The following ANKRD12 variants were observed in gnomAD, a reference collection of about 807,000 sequenced individuals.
The protein encoded by ANKRD12 is ankyrin repeat domain 12.
Under a neutral mutation model 183.4 loss-of-function variants are expected in ANKRD12, and 85 were observed. The ratio of observed to expected loss-of-function variants is 0.46; its 90% CI spans 0.39 to 0.56. ANKRD12 has a LOEUF of 0.56. ANKRD12 is among the 20% of genes least tolerant of loss of function. The probability of loss-of-function intolerance (pLI) is 0.00; values close to 1 mark genes in which losing one functional copy is unlikely to be tolerated. For missense variants in ANKRD12, 2,405 were observed against 2,357.1 expected (o/e 1.02, Z -0.42); for synonymous variants, 914 against 800.2 (o/e 1.14, Z -2.40).
In ANKRD12 at chr18:9,280,951, T is replaced by C; in HGVS notation, c.6014T>C (p.Leu2005Ser). The change falls in exon 13 of 13, where the codon TTA (leucine) becomes TCA (serine). Residue 2005 changes from leucine (L) to serine (S), a missense_variant. By Grantham distance (145) the Leu-to-Ser change is moderately radical (BLOSUM62 -2). Transcript: ENST00000262126. ...DKFDKLKTCL[L>S]MRQQHEAAAL... ...TCTTCTTTTAAATAGACCTGTCTTT[T>C]AATGAGGCAACAACATGAAGCTGCG... is the stretch of plus-strand genomic sequence containing the variant. The C allele has an allele frequency of 6.2e-7, 1 of 1,611,408 alleles. No individual in the cohort carries two copies. Among genetic ancestry groups the C allele is most frequent in the Non-Finnish European group, 8.5e-7 (1 of 1,179,416 alleles).
In ANKRD12 at chr18:9,255,696, A is replaced by C; in HGVS notation, c.2429A>C (p.Lys810Thr). ...HLVEKEIDIE[K>T]QEKHIKESKE... ...GTGGAAAAGGAAATAGACATTGAAAAACAAGAAAAGCATATAAAGGAAAGT... is the reference window on the plus strand; with the variant it reads ...GTGGAAAAGGAAATAGACATTGAAACACAAGAAAAGCATATAAAGGAAAGT... Residue 810 changes from lysine (K) to threonine (T), a missense_variant, in exon 9 of 13, where the codon AAA (lysine) becomes ACA (threonine). Coordinates refer to ENST00000262126, the MANE Select transcript of ANKRD12 (RefSeq NM_015208.5). The C allele has an allele frequency of 5.6e-6, 9 of 1,597,812 alleles. No individual in the cohort carries two copies. Among genetic ancestry groups the C allele is most frequent in the Non-Finnish European group, 7.7e-6 (9 of 1,175,858 alleles).
intron 10 of ANKRD12, 147 bp downstream of exon 10, chr18:9,264,035 G>T: frequency 1.3e-6 from 1 of 757,006 alleles, no homozygotes; most frequent in Non-Finnish European, 1.9e-6. Context: ...TTTATTAGAT[G>T]GAAAAATTTT....
rs1387652533 is a variant in ANKRD12, at chr18:9,242,157, A to G, written c.944-12054A>G. ...AAGTCTTTAAACTTTAGGGTACACA[A>G]GACTATTAAGTATCTTTCTTTGAAG... On this transcript the variant is annotated intron_variant, in intron 8 of 12. Transcript: ENST00000262126. 4.6e-5 allele frequency among the ~76,000 whole-genome samples: 7 copies of G among 152,318 alleles called. No individual in the cohort carries two copies. In the South Asian group the frequency reaches 1.0e-3, roughly 23 times the overall value.
Position 9,258,145 on chromosome 18 carries a change from T to C in ANKRD12, c.4878T>C (p.Thr1626=). 2 of 1,613,794 alleles carry C rather than the reference T, an allele frequency of 1.2e-6. No individual in the cohort carries two copies. The highest frequency in any genetic ancestry group is 1.7e-6 in the Non-Finnish European group (2 of 1,179,990). ...GHEVENSTTD[T]QVISHEKENK... ...AAGTTGAGAATAGCACAACTGATAC[T>C]CAGGTCATTTCACATGAAAAAGAAA... Residue 1626 remains threonine (T), a synonymous_variant, in exon 9 of 13, where the codon ACT becomes ACC. Coordinates refer to ENST00000262126, the MANE Select transcript of ANKRD12 (RefSeq NM_015208.5).
At chr18:9,194,173 C>T (rs2034629248) in intron 2 of ANKRD12, among the ~76,000 whole-genome samples, 1 of 151,938 alleles carries the variant, frequency 6.6e-6, no homozygotes, top group Admixed American at 6.6e-5. Flanking sequence ...AATTATGTGG[C>T]AGGACTATTA....
In ANKRD12 at chr18:9,283,093, C is replaced by G. The variant is rs1367677654; in HGVS notation, c.*1967C>G. 6.6e-6 allele frequency: 1 copy of G among 152,424 alleles called. No individual in the cohort carries two copies. The highest frequency in any genetic ancestry group is 2.4e-5 in the African/African-American group (1 of 41,430). The allele number at this position is 152,424 out of a possible 1,614,324, so 9.4% of individuals were successfully genotyped here. Reference sequence around the variant, plus strand: ...AAACTTACTGCAAAGTTTGTTTATACTTTTGCCTAAAAAGGAAATTGGATG... The same window carrying G: ...AAACTTACTGCAAAGTTTGTTTATAGTTTTGCCTAAAAAGGAAATTGGATG... On this transcript the variant is annotated 3_prime_UTR_variant, in exon 13 of 13. Coordinates refer to ENST00000262126, the MANE Select transcript of ANKRD12 (RefSeq NM_015208.5).
chr18:9,246,273 T>A (rs1385418366), intron 8 of ANKRD12, among the ~76,000 whole-genome samples: 1 of 152,188 alleles, frequency 6.6e-6, no homozygotes, highest in Non-Finnish European at 1.5e-5. Flanking sequence ...CTTTCCCTTC[T>A]AAGGAGTGCT....
Position 9,256,913 on chromosome 18 carries a change from T to G in ANKRD12, c.3646T>G (p.Cys1216Gly), listed in dbSNP as rs745895466. The change falls in exon 9 of 13, where the codon TGC becomes GGC. Residue 1216 changes from cysteine to glycine, a missense_variant. Physicochemically the swap from Cys to Gly is radical, Grantham distance 159 (BLOSUM62 -3). Coordinates refer to ENST00000262126, the MANE Select transcript of ANKRD12 (RefSeq NM_015208.5). ...MISVASSEDSCHTTVTTPRPP... is the reference protein window; with the variant it reads ...MISVASSEDSGHTTVTTPRPP... ...TTCTGTTGCTAGTTCAGAAGATTCC[T>G]GCCATACTACAGTGACAACCCCAAG... 5 of 1,613,932 alleles carry G rather than the reference T, an allele frequency of 3.1e-6. No individual in the cohort carries two copies. The highest frequency in any genetic ancestry group is 3.4e-6 in the Non-Finnish European group (4 of 1,179,974).
chr18:9,175,523 C>CTTTTTTTTTT lies in ANKRD12; in HGVS notation c.-51-6840_-51-6831dup, dbSNP rs33944736. Reference sequence around the variant, plus strand: ...CTTGATCAGTTTTTCAAAGGCTCCTCTTTTTTTTTTTTTTTTTTTTTTTTT... The same window carrying CTTTTTTTTTT: ...CTTGATCAGTTTTTCAAAGGCTCCTCTTTTTTTTTTTTTTTTTTTTTTTTTTTTTTTTTTT... On this transcript the variant is annotated intron_variant, in intron 1 of 12. Coordinates refer to ENST00000262126, the MANE Select transcript of ANKRD12 (RefSeq NM_015208.5). 9.0e-3 allele frequency among the ~76,000 whole-genome samples: 482 copies of CTTTTTTTTTT among 53,314 alleles called. 133 individuals carry two copies. Among genetic ancestry groups the CTTTTTTTTTT allele is most frequent in the Non-Finnish European group, 0.011 (351 of 31,448 alleles). 35.0% of individuals were successfully genotyped at this position (53,314 alleles called of 152,430 possible).
At chr18:9,149,792 A>ATTTTTTTTTTTTTTTT (rs75749856) in intron 1 of ANKRD12, among the ~76,000 whole-genome samples, 3 of 28,198 alleles carry the variant, frequency 1.1e-4, no homozygotes, top group Non-Finnish European at 2.6e-4. Context: ...TTATTTATTA[A>ATTTTTTTTTTTTTTTT]ATTTTATTTT....
chr18:9,267,246 G>C (rs535792811), intron 10 of ANKRD12, among the ~76,000 whole-genome samples: 1 of 152,220 alleles, frequency 6.6e-6, no homozygotes, highest in South Asian at 2.1e-4. Flanking sequence ...TCCAGGAATT[G>C]AACTCAGCTC....
intron 1 of ANKRD12, among the ~76,000 whole-genome samples, chr18:9,152,859 A>G (rs1342733120): frequency 7.3e-5 from 11 of 151,690 alleles, no homozygotes; most frequent in Non-Finnish European, 2.9e-5. Flanking sequence ...CTTGACCCCT[A>G]CCCTTTCCCA....
intron 8 of ANKRD12, among the ~76,000 whole-genome samples, chr18:9,247,255 G>A (rs2038014744): frequency 6.6e-6 from 1 of 151,414 alleles, no homozygotes; most frequent in South Asian, 2.1e-4. Flanking sequence ...GAGGCAGGAG[G>A]ATCGCTTGAG....
At chr18:9,245,964 G>A (rs2037938418) in intron 8 of ANKRD12, among the ~76,000 whole-genome samples, 1 of 152,090 alleles carries the variant, frequency 6.6e-6, no homozygotes, top group African/African-American at 2.4e-5. Context: ...GAGAAACTTG[G>A]ATTTGAAGAT....
At position 9,178,090 on chromosome 18, in the gene ANKRD12, A is replaced by C. The variant is rs1030884423; in HGVS notation, c.-51-4292A>C. Among the ~76,000 whole-genome samples, 3 of 152,162 alleles carry C rather than the reference A, an allele frequency of 2.0e-5. No individual in the cohort carries two copies. In the East Asian group the frequency reaches 5.8e-4, roughly 29 times the overall value. On this transcript the variant is annotated intron_variant, in intron 1 of 12. Coordinates refer to ENST00000262126, the MANE Select transcript of ANKRD12 (RefSeq NM_015208.5). ...ATGGCTGGCTTTTCATTTTCTTAAC[A>C]CCTTAACAGGGTAATTTAAAGAGCA... is the stretch of plus-strand genomic sequence containing the variant.
chr18:9,162,056 T>C (rs2031495477), intron 1 of ANKRD12, among the ~76,000 whole-genome samples: 1 of 152,086 alleles, frequency 6.6e-6, no homozygotes, highest in African/African-American at 2.4e-5. Context: ...TTTTAAGTTA[T>C]GGGGTACATG....
intron 5 of ANKRD12, among the ~76,000 whole-genome samples, chr18:9,209,286 TG>T (rs1182275944): frequency 6.6e-6 from 1 of 152,196 alleles, no homozygotes; most frequent in East Asian, 1.9e-4. Flanking sequence ...TCCAGGCAAC[TG>T]GCCTGAGATA....
intron 8 of ANKRD12, among the ~76,000 whole-genome samples, chr18:9,248,587 C>T (rs908678378): frequency 1.3e-5 from 2 of 152,106 alleles, no homozygotes; most frequent in Admixed American, 1.3e-4. Flanking sequence ...CTTGTGTTTG[C>T]AGTTATTTTA....
chr18:9,184,854 A>G (rs1455805425), intron 2 of ANKRD12, among the ~76,000 whole-genome samples: 1 of 152,032 alleles, frequency 6.6e-6, no homozygotes, highest in Non-Finnish European at 1.5e-5. Flanking sequence ...AACATCTTAA[A>G]TGTTATTATG....
Sources: allele counts gnomAD v4.1 joint callset (sites outside exome capture counted in the v4.1 genomes callset), GRCh38; gene constraint gnomAD v4.1.1; transcripts MANE v1.5; gene names NCBI Gene and HGNC (gene_info 2026-07-23, HGNC 2026-07-21).